The following DCC variants were observed in gnomAD, a reference collection of about 807,000 sequenced individuals.
DCC encodes netrin receptor DCC.
Under a neutral mutation model 172.5 loss-of-function variants are expected in DCC, and 58 were observed. The ratio of observed to expected loss-of-function variants is 0.34; its 90% confidence interval spans 0.27 to 0.42. DCC has a LOEUF of 0.42. DCC is among the 10% of genes least tolerant of loss of function. The pLI, the probability that DCC is intolerant of heterozygous loss-of-function variation, is 1.00. For synonymous variants in DCC, 709 were observed against 644.5 expected (o/e 1.10, Z -1.52); for missense variants, 1,740 against 1,791.0 (o/e 0.97, Z 0.51).
chr18:53,145,739 A>C (rs553124840), intron 7 of DCC, among the ~76,000 whole-genome samples: 1 of 152,302 alleles, frequency 6.6e-6, no homozygotes, highest in South Asian at 2.1e-4. Flanking sequence ...AATTGTTTTC[A>C]ACTAGAAAAC....
chr18:52,654,829 C>G (rs1296701447), intron 1 of DCC, among the ~76,000 whole-genome samples: 1 of 152,100 alleles, frequency 6.6e-6, no homozygotes, highest in Non-Finnish European at 1.5e-5. Context: ...GAAATCCAGG[C>G]ATGATAGTTC....
intron 12 of DCC, among the ~76,000 whole-genome samples, chr18:53,226,948 A>ATATATATATATTTTT: frequency 1.2e-3 from 62 of 52,942 alleles, no homozygotes; most frequent in African/African-American, 5.8e-3. Context: ...ATATATATAT[A>ATATATATATATTTTT]TTTTTTTTTT....
At chr18:52,387,572 T>G (rs1985850801) in intron 1 of DCC, among the ~76,000 whole-genome samples, 2 of 148,166 alleles carry the variant, frequency 1.3e-5, no homozygotes, top group South Asian at 4.4e-4. Context: ...TTTTGTTTTG[T>G]TTCTTCCTTC....
intron 28 of DCC, 129 bp from the exon 29 acceptor site, chr18:53,530,435 C>T: frequency 4.1e-6 from 3 of 739,654 alleles, no homozygotes; most frequent in South Asian, 2.8e-5. Flanking sequence ...ATTCCAAGGA[C>T]AGCCCTGGCT....
intron 1 of DCC, among the ~76,000 whole-genome samples, chr18:52,364,181 GACA>G (rs1382948892): frequency 6.6e-6 from 1 of 152,116 alleles, no homozygotes; most frequent in Non-Finnish European, 1.5e-5. Context: ...GTTCTGTGGA[GACA>G]ACACTAAATG....
In DCC at chr18:53,402,823, T is replaced by C. The variant is rs1184797241; in HGVS notation, c.2865T>C (p.Thr955=). 6.2e-7 allele frequency: 1 copy of C among 1,614,128 alleles called. No individual in the cohort carries two copies. The highest frequency in any genetic ancestry group is 8.5e-7 in the Non-Finnish European group (1 of 1,179,988). Residue 955 remains threonine (T), a synonymous_variant, in exon 19 of 29, where the codon ACT becomes ACC. Coordinates refer to ENST00000442544, the MANE Select transcript of DCC (RefSeq NM_005215.4). ...TSAPKDLTVI[T]REGKPRAVIV... The stretch of plus-strand genomic sequence containing the variant: ...CTCCCAAGGACTTGACAGTCATTAC[T>C]AGGGAAGGGAAGCCTCGTGCCGTCA...
At chr18:53,518,162 A>G (rs2046360121) in intron 27 of DCC, among the ~76,000 whole-genome samples, 1 of 152,160 alleles carries the variant, frequency 6.6e-6, no homozygotes, top group Admixed American at 6.5e-5. Context: ...GAGAGAGTCC[A>G]TTTCATTTTG....
rs138539285 is a variant in DCC, at chr18:53,187,424, A to G, written c.1573+8308A>G. 1.7e-3 allele frequency among the ~76,000 whole-genome samples: 264 copies of G among 152,102 alleles called. 1 individual carries two copies. Among genetic ancestry groups the G allele is most frequent in the Admixed American group, 5.4e-3 (83 of 15,274 alleles). ...GGAGTGAACCACCGTGCCTGGCTCTATTTCCTTTTTTTAACCTAAAGTTAG... is the reference window on the plus strand; with the variant it reads ...GGAGTGAACCACCGTGCCTGGCTCTGTTTCCTTTTTTTAACCTAAAGTTAG... On this transcript the variant is annotated intron_variant, in intron 9 of 28. Coordinates refer to ENST00000442544, the MANE Select transcript of DCC (RefSeq NM_005215.4).
At chr18:53,039,217 T>G (rs1307265578) in intron 5 of DCC, among the ~76,000 whole-genome samples, 1 of 152,028 alleles carries the variant, frequency 6.6e-6, no homozygotes, top group East Asian at 1.9e-4. Context: ...TGTGTCATAT[T>G]TTAACATCCA....
At chr18:52,674,792 C>T (rs192465234) in intron 1 of DCC, among the ~76,000 whole-genome samples, 24 of 152,316 alleles carry the variant, frequency 1.6e-4, no homozygotes, top group East Asian at 1.2e-3. Context: ...GCCATCTGAA[C>T]GGACTTTCTC....
intron 8 of DCC, among the ~76,000 whole-genome samples, chr18:53,162,062 G>A (rs535279761): frequency 3.3e-5 from 5 of 152,090 alleles, no homozygotes; most frequent in Non-Finnish European, 7.4e-5. Context: ...ACTTTGGGAG[G>A]CCGAGGTGAG....
chr18:52,568,394 A>G (rs541150384), intron 1 of DCC, among the ~76,000 whole-genome samples: 217 of 152,270 alleles, frequency 1.4e-3, no homozygotes, highest in African/African-American at 5.0e-3. Flanking sequence ...CAGTAAAAAA[A>G]GAAACAAACT....
At chr18:52,585,005 T>C (rs751609339) in intron 1 of DCC, among the ~76,000 whole-genome samples, 13 of 152,196 alleles carry the variant, frequency 8.5e-5, no homozygotes, top group Non-Finnish European at 1.3e-4. Context: ...GGAGAGTAGG[T>C]ACATGTCTTT....
chr18:52,966,027 C>A (rs1266036273), intron 5 of DCC, among the ~76,000 whole-genome samples: 1 of 152,118 alleles, frequency 6.6e-6, no homozygotes, highest in South Asian at 2.1e-4. Context: ...GCTTGTCTTC[C>A]AGAAGTGCTT....
chr18:52,489,016 C>A (rs2030366768), intron 1 of DCC, among the ~76,000 whole-genome samples: 1 of 151,982 alleles, frequency 6.6e-6, no homozygotes, highest in Non-Finnish European at 1.5e-5. Context: ...CTTGTGGTAT[C>A]ATGATTAAAG....
At chr18:52,579,030 G>T (rs1490720833) in intron 1 of DCC, among the ~76,000 whole-genome samples, 1 of 152,050 alleles carries the variant, frequency 6.6e-6, no homozygotes, top group Non-Finnish European at 1.5e-5. Context: ...CTGAACTTTA[G>T]GTAATTTAAG....
chr18:53,244,047 G>C (rs1312066726), intron 12 of DCC, among the ~76,000 whole-genome samples: 1 of 152,068 alleles, frequency 6.6e-6, no homozygotes, highest in African/African-American at 2.4e-5. Flanking sequence ...ACACAGTTTT[G>C]TATCATTAGA....
chr18:53,310,757 A>G (rs1026640921), intron 13 of DCC, among the ~76,000 whole-genome samples: 4 of 152,180 alleles, frequency 2.6e-5, no homozygotes, highest in Non-Finnish European at 5.9e-5. Flanking sequence ...GCAATTTTAT[A>G]ACAGGGCTAA....
intron 12 of DCC, among the ~76,000 whole-genome samples, chr18:53,300,134 A>G (rs1285679358): frequency 2.0e-5 from 3 of 152,206 alleles, no homozygotes; most frequent in African/African-American, 7.2e-5. Flanking sequence ...TTCCTCTGAA[A>G]TTAGTAAAAG....
Sources: allele counts gnomAD v4.1 joint callset (sites outside exome capture counted in the v4.1 genomes callset), GRCh38; gene constraint gnomAD v4.1.1; transcripts MANE v1.5; gene names NCBI Gene and HGNC (gene_info 2026-07-23, HGNC 2026-07-21).